The following TIA1 variants were observed in gnomAD, a reference collection of about 807,000 sequenced individuals.
TIA1 encodes the protein cytotoxic granule associated RNA binding protein TIA1.
A neutral mutation model predicts 65.9 loss-of-function variants in TIA1; 23 were observed. The observed-to-expected ratio is 0.35, with a 90% CI of 0.25 to 0.49. TIA1 has a LOEUF of 0.49. Among genes scored for constraint, TIA1 ranks in the 20% least tolerant of loss-of-function variants. The pLI is 0.98. For synonymous variants in TIA1, 147 were observed against 149.4 expected (o/e 0.98, Z 0.12); for missense variants, 371 against 477.9 (o/e 0.78, Z 2.09).
intron 1 of TIA1, among the ~76,000 whole-genome samples, chr2:70,241,440 T>TA (rs1483911780): frequency 6.6e-6 from 1 of 151,424 alleles, no homozygotes; most frequent in Non-Finnish European, 1.5e-5. Flanking sequence ...GACTCTGTCT[T>TA]AAAAAAAGAA....
chr2:70,226,629 TAG>T (rs1683941808), intron 6 of TIA1, among the ~76,000 whole-genome samples: 1 of 152,124 alleles, frequency 6.6e-6, no homozygotes. Context: ...AAATTGTGCA[TAG>T]AGATTTAGAG....
intron 11 of TIA1, 43 bp downstream of exon 11, chr2:70,215,328 T>C: frequency 6.2e-7 from 1 of 1,610,132 alleles, no homozygotes; most frequent in Middle Eastern, 1.7e-4. Flanking sequence ...AAAATAACAT[T>C]ATTAGCCCAA....
chr2:70,228,530 G>A, intron 5 of TIA1: 33 of 1,139,692 alleles, frequency 2.9e-5, no homozygotes, highest in Non-Finnish European at 3.4e-5. Context: ...AAGCATTGGA[G>A]AGAAATAACC....
rs191155798 is a variant in TIA1 at position 70,245,898 on chromosome 2, C to T, written c.26+2507G>A. Reference sequence around the variant, plus strand: ...GAAAGAGTAAAATCTTAATTCACTGCTTGAAATTCTACCAGATTTTTTTTT... The same window carrying T: ...GAAAGAGTAAAATCTTAATTCACTGTTTGAAATTCTACCAGATTTTTTTTT... On this transcript the variant is annotated intron_variant, in intron 1 of 12. Coordinates refer to ENST00000433529, the MANE Select transcript of TIA1 (RefSeq NM_022173.4). Among the ~76,000 whole-genome samples the T allele has an allele frequency of 4.1e-3, 606 of 148,226 alleles. 2 individuals carry two copies. The highest frequency in any genetic ancestry group is 0.013 in the African/African-American group (528 of 39,798).
intron 7 of TIA1, among the ~76,000 whole-genome samples, chr2:70,218,495 G>C (rs1010866982): frequency 6.6e-6 from 1 of 152,204 alleles, no homozygotes; most frequent in African/African-American, 2.4e-5. Flanking sequence ...GCAGTGGCGC[G>C]TTCTTGGCTC....
rs1422416449 is a variant in TIA1 at position 70,248,583 on chromosome 2, C to T, written c.-153G>A. On this transcript the variant is annotated 5_prime_UTR_variant, in exon 1 of 13. Transcript: ENST00000433529. ...TCCTCCGGCGGCAATTACACTAAACCGCCCGGCCCAGCGGGAACAATGAAA... is the reference window on the plus strand; with the variant it reads ...TCCTCCGGCGGCAATTACACTAAACTGCCCGGCCCAGCGGGAACAATGAAA... 2.8e-6 allele frequency: 3 copies of T among 1,088,822 alleles called. No individual in the cohort carries two copies. The highest frequency in any genetic ancestry group is 2.6e-5 in the East Asian group (1 of 38,668). 67.4% of individuals were successfully genotyped at this position (1,088,822 alleles called of 1,614,324 possible). A position where few individuals can be genotyped will look rare whatever the true frequency, so the allele number is the denominator to read the frequency against.
At chr2:70,234,301 T>C (rs901199234) in intron 2 of TIA1, among the ~76,000 whole-genome samples, 3 of 152,198 alleles carry the variant, frequency 2.0e-5, no homozygotes, top group Admixed American at 6.5e-5. Flanking sequence ...AATGCTACCA[T>C]TGGGATAAGT....
At chr2:70,239,609 T>G (rs1690783173) in intron 1 of TIA1, among the ~76,000 whole-genome samples, 1 of 152,188 alleles carries the variant, frequency 6.6e-6, no homozygotes, top group African/African-American at 2.4e-5. Flanking sequence ...GCTCACAAAG[T>G]GTGGAATCAA....
chr2:70,246,693 T>C (rs1694509982), intron 1 of TIA1, among the ~76,000 whole-genome samples: 3 of 152,040 alleles, frequency 2.0e-5, no homozygotes, highest in Admixed American at 2.0e-4. Context: ...CGAGACCAGC[T>C]TGGCCGACAT....
intron 1 of TIA1, among the ~76,000 whole-genome samples, chr2:70,238,034 G>A (rs1418298030): frequency 6.6e-5 from 10 of 151,292 alleles, no homozygotes; most frequent in South Asian, 2.1e-4. Context: ...GGTGGTGGGC[G>A]CCTGTAGTCC....
In TIA1 at chr2:70,236,230, C is replaced by T. The variant is rs1688872485; in HGVS notation, c.27-55G>A. 11 of 1,189,258 alleles carry T rather than the reference C, an allele frequency of 9.2e-6. No individual in the cohort carries two copies. In the Admixed American group the frequency reaches 1.8e-4, roughly 20 times the overall value. The allele number at this position is 1,189,258 out of a possible 1,614,324, so 73.7% of individuals were successfully genotyped here. A position where few individuals can be genotyped will look rare whatever the true frequency, so the allele number is the denominator to read the frequency against. Reference sequence around the variant, plus strand: ...TTTTTTTTTTTGAGACAGAGTTTCACTCTTGTTGCCCAGGATAGAGTGCAA... The same window carrying T: ...TTTTTTTTTTTGAGACAGAGTTTCATTCTTGTTGCCCAGGATAGAGTGCAA... On this transcript the variant is annotated intron_variant, in intron 1 of 12. Transcript: ENST00000433529.
chr2:70,222,125 AAAAAC>A (rs1681680534), intron 7 of TIA1, among the ~76,000 whole-genome samples: 2 of 149,258 alleles, frequency 1.3e-5, no homozygotes, highest in East Asian at 2.0e-4. Flanking sequence ...CTGTTAAAAC[AAAAAC>A]AAAACAAAAC....
At chr2:70,221,241 A>G (rs1472190673) in intron 7 of TIA1, among the ~76,000 whole-genome samples, 1 of 151,828 alleles carries the variant, frequency 6.6e-6, no homozygotes. Context: ...TTCTGACCTC[A>G]TGATCTGCTT....
In TIA1 at chr2:70,211,572, G is replaced by A. The variant is rs1676496603; in HGVS notation, c.*1147C>T. On this transcript the variant is annotated 3_prime_UTR_variant, in exon 13 of 13. Transcript: ENST00000433529. ...AGCTATCATTTGTACATATTAAGTT[G>A]ATTCACTCTTTTTGAGCAAATCTAC... 6.6e-6 allele frequency: 1 copy of A among 152,330 alleles called. No homozygotes were observed. Among genetic ancestry groups the A allele is most frequent in the South Asian group, 2.1e-4 (1 of 4,818 alleles). 9.4% of individuals were successfully genotyped at this position (152,330 alleles called of 1,614,324 possible).
intron 7 of TIA1, 64 bp from the exon 8 acceptor site, chr2:70,217,058 G>C: frequency 6.8e-7 from 1 of 1,475,140 alleles, no homozygotes. Context: ...ACAACTCTTA[G>C]CAGTAGAGAA....
chr2:70,238,181 A>G (rs1196716499), intron 1 of TIA1, among the ~76,000 whole-genome samples: 1 of 149,612 alleles, frequency 6.7e-6, no homozygotes, highest in African/African-American at 2.5e-5. Flanking sequence ...AAAAATGTAT[A>G]CCATCAAACC....
chr2:70,223,239 A>C (rs1682294363), intron 7 of TIA1, among the ~76,000 whole-genome samples: 1 of 152,198 alleles, frequency 6.6e-6, no homozygotes, highest in Admixed American at 6.5e-5. Flanking sequence ...TCAATCCATT[A>C]TAGAAGGTAT....
chr2:70,234,948 A>G (rs1451193901), intron 2 of TIA1, among the ~76,000 whole-genome samples: 1 of 152,094 alleles, frequency 6.6e-6, no homozygotes, highest in African/African-American at 2.4e-5. Flanking sequence ...ACACACATAC[A>G]TGATTGTCTT....
chr2:70,222,642 GC>G (rs1682004145), intron 7 of TIA1, among the ~76,000 whole-genome samples: 1 of 152,138 alleles, frequency 6.6e-6, no homozygotes, highest in African/African-American at 2.4e-5. Flanking sequence ...ACTGCCGGGC[GC>G]AGTGGCTCAC....
Sources: gnomAD v4.1 joint callset for allele counts (sites outside exome capture counted in the v4.1 genomes callset) on GRCh38, gnomAD v4.1.1 for gene constraint, MANE v1.5 for transcripts, NCBI Gene and HGNC (gene_info 2026-07-23, HGNC 2026-07-21) for gene names.